The following DNAJC5B variants were observed in gnomAD, a reference collection of about 807,000 sequenced individuals.
The protein encoded by DNAJC5B is dnaJ homolog subfamily C member 5B.
DNAJC5B carries 23 observed loss-of-function variants against 24.7 expected under a neutral mutation model. The observed-to-expected ratio is 0.93, with a 90% CI of 0.67 to 1.32. The LOEUF (loss-of-function observed/expected upper bound fraction) is 1.32. DNAJC5B is among the 40% of genes most tolerant of loss of function. The probability of loss-of-function intolerance (pLI) is 0.00; values close to 1 mark genes in which losing one functional copy is unlikely to be tolerated. For synonymous variants in DNAJC5B, 101 were observed against 90.1 expected, an observed-to-expected ratio of 1.12 and a Z score of -0.68; for missense variants, 238 against 240.8, an observed-to-expected ratio of 0.99 and a Z score of 0.08.
intron 1 of DNAJC5B, among the ~76,000 whole-genome samples, chr8:66,041,921 G>T (rs1310432665): frequency 6.6e-6 from 1 of 152,116 alleles, no homozygotes; most frequent in Non-Finnish European, 1.5e-5. Context: ...AAGCACGTAG[G>T]ACCTTTGAAC....
intron 5 of DNAJC5B, among the ~76,000 whole-genome samples, chr8:66,092,696 T>C (rs910599868): frequency 2.6e-5 from 4 of 152,168 alleles, no homozygotes; most frequent in Non-Finnish European, 5.9e-5. Flanking sequence ...CAACTATATT[T>C]ATAATCTTAA....
intron 3 of DNAJC5B, among the ~76,000 whole-genome samples, chr8:66,060,459 C>T (rs1008322549): frequency 1.4e-4 from 21 of 152,354 alleles, no homozygotes; most frequent in Middle Eastern, 6.8e-3. Context: ...GCTTTCCAAA[C>T]ACATCCTGAT....
chr8:66,039,641 C>A (rs911906076), intron 1 of DNAJC5B, among the ~76,000 whole-genome samples: 1 of 152,002 alleles, frequency 6.6e-6, no homozygotes, highest in African/African-American at 2.4e-5. Flanking sequence ...TGAGCCACTG[C>A]GCCCAGCCCA....
At chr8:66,056,001 G>T (rs1035383267) in intron 3 of DNAJC5B, among the ~76,000 whole-genome samples, 3 of 152,108 alleles carry the variant, frequency 2.0e-5, no homozygotes, top group Admixed American at 2.0e-4. Context: ...TAAGAAAGAT[G>T]ATGTAGACTT....
chr8:66,098,023 T>C (rs11995489), intron 5 of DNAJC5B, among the ~76,000 whole-genome samples: 3,759 of 151,954 alleles, frequency 0.025, 138 homozygotes, highest in African/African-American at 0.084. Context: ...CTAATCTTTT[T>C]CTGTACTTTT....
intron 5 of DNAJC5B, among the ~76,000 whole-genome samples, chr8:66,094,598 C>T (rs1807911133): frequency 6.6e-6 from 1 of 151,892 alleles, no homozygotes; most frequent in Admixed American, 6.6e-5. Context: ...TTGATTCTTC[C>T]CCTCCATCTC....
At chr8:66,020,578 C>T (rs1223568375), upstream of DNAJC5B, among the ~76,000 whole-genome samples, 2 of 147,020 alleles carry the variant, frequency 1.4e-5, no homozygotes, top group Non-Finnish European at 3.0e-5. Context: ...CCTGGTATAG[C>T]GCTGTAATCA....
At chr8:66,031,903 G>A (rs923437252) in intron 1 of DNAJC5B, among the ~76,000 whole-genome samples, 1 of 152,202 alleles carries the variant, frequency 6.6e-6, no homozygotes, top group African/African-American at 2.4e-5. Flanking sequence ...TGGGCACTCT[G>A]CAGCCTAGTC....
upstream of DNAJC5B, among the ~76,000 whole-genome samples, chr8:66,017,704 G>C (rs144950795): frequency 8.8e-4 from 134 of 152,290 alleles, 2 homozygotes; most frequent in East Asian, 0.024. Context: ...CTGGTTTCCA[G>C]TGGGTCACTG....
intron 1 of DNAJC5B, among the ~76,000 whole-genome samples, chr8:66,033,564 A>T (rs892750155): frequency 6.6e-6 from 1 of 152,080 alleles, no homozygotes; most frequent in Non-Finnish European, 1.5e-5. Flanking sequence ...TTTGGCTTCC[A>T]TGGGATGATG....
intron 2 of DNAJC5B, among the ~76,000 whole-genome samples, chr8:66,048,335 G>C (rs1806769732): frequency 6.6e-6 from 1 of 152,232 alleles, no homozygotes; most frequent in Non-Finnish European, 1.5e-5. Flanking sequence ...GCAGGCAGCA[G>C]TGTCAGCTTT....
intron 1 of DNAJC5B, among the ~76,000 whole-genome samples, chr8:66,039,715 A>G (rs1220291307): frequency 6.6e-6 from 1 of 152,196 alleles, no homozygotes; most frequent in Non-Finnish European, 1.5e-5. Flanking sequence ...CACTAACATC[A>G]TCATCATCAT....
At chr8:66,081,015 A>T (rs1025391340) in intron 5 of DNAJC5B, among the ~76,000 whole-genome samples, 1 of 152,132 alleles carries the variant, frequency 6.6e-6, no homozygotes, top group Non-Finnish European at 1.5e-5. Flanking sequence ...TTGATTATGA[A>T]TTTGGGTGAA....
chr8:66,062,108 G>A lies in DNAJC5B; in HGVS notation c.119+10442G>A, dbSNP rs73244918. Among the ~76,000 whole-genome samples, 624 of 152,366 alleles carry A rather than the reference G, an allele frequency of 4.1e-3. 7 individuals carry two copies. Among genetic ancestry groups the A allele is most frequent in the African/African-American group, 0.014 (599 of 41,576 alleles). On this transcript the variant is annotated intron_variant, in intron 3 of 5. Coordinates refer to ENST00000276570, the MANE Select transcript of DNAJC5B (RefSeq NM_033105.6). ...TCAGTTCCTTGAGGGCAGACACTGT[G>A]CCTGGTCTCTCACTGTACTTTCAGC...
intron 3 of DNAJC5B, among the ~76,000 whole-genome samples, chr8:66,059,046 T>C (rs141014052): frequency 3.9e-5 from 6 of 152,338 alleles, no homozygotes; most frequent in African/African-American, 1.4e-4. Context: ...ATAAGATGAA[T>C]TTGTGATCCA....
At chr8:66,034,848 G>C (rs1195036554) in intron 1 of DNAJC5B, among the ~76,000 whole-genome samples, 2 of 152,114 alleles carry the variant, frequency 1.3e-5, no homozygotes, top group South Asian at 2.1e-4. Context: ...TAGGGTAATG[G>C]AGGCCCAGAA....
At chr8:66,089,630 C>A (rs1807802959) in intron 5 of DNAJC5B, among the ~76,000 whole-genome samples, 2 of 152,128 alleles carry the variant, frequency 1.3e-5, no homozygotes, top group South Asian at 4.1e-4. Context: ...GTCTAAGATA[C>A]CTTTTGATGA....
intron 5 of DNAJC5B, among the ~76,000 whole-genome samples, chr8:66,088,412 C>G (rs1169212594): frequency 6.6e-6 from 1 of 152,178 alleles, no homozygotes; most frequent in Non-Finnish European, 1.5e-5. Context: ...AGACAGTTTC[C>G]CCATCATCTT....
intron 3 of DNAJC5B, among the ~76,000 whole-genome samples, chr8:66,068,420 A>C (rs1481771173): frequency 6.6e-6 from 1 of 152,058 alleles, no homozygotes; most frequent in Admixed American, 6.6e-5. Context: ...AAAGGAAAAA[A>C]CCTTTACCAG....
Sources: gnomAD v4.1 joint callset for allele counts (sites outside exome capture counted in the v4.1 genomes callset) on GRCh38, gnomAD v4.1.1 for gene constraint, MANE v1.5 for transcripts, NCBI Gene and HGNC (gene_info 2026-07-23, HGNC 2026-07-21) for gene names.